The following PIP5K1C variants were observed in gnomAD, a reference collection of about 807,000 sequenced individuals.
PIP5K1C encodes phosphatidylinositol 4-phosphate 5-kinase type-1 gamma.
Under a neutral mutation model 80.1 loss-of-function variants are expected in PIP5K1C, and 45 were observed. The ratio of observed to expected loss-of-function variants is 0.56; its 90% confidence interval spans 0.44 to 0.72. The LOEUF (loss-of-function observed/expected upper bound fraction) is 0.72. Ranked by LOEUF, PIP5K1C falls within the 30% of genes least tolerant of loss-of-function variation. The pLI, the probability that PIP5K1C is intolerant of heterozygous loss-of-function variation, is 0.00. For synonymous variants in PIP5K1C, 498 were observed against 420.1 expected (o/e 1.19, Z -2.27); for missense variants, 753 against 954.6 (o/e 0.79, Z 2.78).
intron 5 of PIP5K1C, among the ~76,000 whole-genome samples, chr19:3,659,508 T>C (rs114714823): frequency 0.011 from 1,749 of 152,342 alleles, 28 homozygotes; most frequent in African/African-American, 0.04. Flanking sequence ...CGAGCCAGGC[T>C]GCTGCCTTCT....
chr19:3,655,455 A>G (rs1053296286), intron 6 of PIP5K1C, among the ~76,000 whole-genome samples: 1 of 152,248 alleles, frequency 6.6e-6, no homozygotes, highest in African/African-American at 2.4e-5. Context: ...GGAGAAATAG[A>G]AAATAGTCTT....
intron 3 of PIP5K1C, among the ~76,000 whole-genome samples, chr19:3,664,221 T>C (rs553328355): frequency 6.6e-6 from 1 of 152,192 alleles, no homozygotes; most frequent in Admixed American, 6.5e-5. Flanking sequence ...GGAGTCGGGA[T>C]GGGGGTGACT....
chr19:3,661,082 C>T lies in PIP5K1C; in HGVS notation c.352G>A (p.Glu118Lys). 1 of 1,611,916 alleles carries T rather than the reference C, an allele frequency of 6.2e-7. No homozygotes were observed. The highest frequency in any genetic ancestry group is 8.5e-7 in the Non-Finnish European group (1 of 1,178,200). The stretch of plus-strand genomic sequence containing the variant: ...TGGGCGGGGGTGAGGTTGCTGCCTT[C>T]GCTGTGGAGGAAGGACGGGAGGAAA... Reference protein sequence around the residue: ...YVVESIFFPSEGSNLTPAHHF... With the variant: ...YVVESIFFPSKGSNLTPAHHF... Residue 118 changes from glutamate to lysine, a missense_variant and splice_region_variant, in exon 5 of 18, where the codon GAA becomes AAA. Transcript: ENST00000335312.
intron 1 of PIP5K1C, among the ~76,000 whole-genome samples, chr19:3,675,189 C>T (rs183460000): frequency 3.3e-5 from 5 of 152,280 alleles, no homozygotes; most frequent in East Asian, 1.9e-4. Context: ...TCTGTGAATA[C>T]GCCGAGAAGA....
At chr19:3,693,467 A>G (rs1244177611) in intron 1 of PIP5K1C, among the ~76,000 whole-genome samples, 1 of 152,152 alleles carries the variant, frequency 6.6e-6, no homozygotes, top group African/African-American at 2.4e-5. Context: ...CCCCATGAGT[A>G]CTGGCACCAC....
intron 16 of PIP5K1C, chr19:3,636,348 C>T (rs909227076): frequency 1.0e-6 from 1 of 977,598 alleles, no homozygotes; most frequent in African/African-American, 1.8e-5. Flanking sequence ...GCACTCAGGC[C>T]TTGGGGTGCT....
At chr19:3,673,144 C>T (rs1026379647) in intron 1 of PIP5K1C, among the ~76,000 whole-genome samples, 1 of 152,086 alleles carries the variant, frequency 6.6e-6, no homozygotes, top group Non-Finnish European at 1.5e-5. Context: ...TCTGCTCCTC[C>T]CTCTGCTCCA....
In PIP5K1C at chr19:3,692,391, C is replaced by T. The variant is rs2035975973; in HGVS notation, c.94+7906G>A. Among the ~76,000 whole-genome samples, 1 of 152,198 alleles carries T rather than the reference C, an allele frequency of 6.6e-6. No homozygotes were observed. The highest frequency in any genetic ancestry group is 1.9e-4 in the East Asian group (1 of 5,192). On this transcript the variant is annotated intron_variant, in intron 1 of 17. Transcript: ENST00000335312. The surrounding 1 kb of genome is among the most constrained non-coding windows in gnomAD (Gnocchi z 5.2). Reference sequence around the variant, plus strand: ...CCCTCGCAGCTCGGCCATGCTGGGCCCCGGCGGCCCCCATGCTGCCCTTCC... The same window carrying T: ...CCCTCGCAGCTCGGCCATGCTGGGCTCCGGCGGCCCCCATGCTGCCCTTCC...
intron 17 of PIP5K1C, 88 bp from the exon 18 acceptor site, chr19:3,633,257 C>G: frequency 1.4e-6 from 1 of 706,322 alleles, no homozygotes; most frequent in Non-Finnish European, 2.6e-6. Context: ...TGGGCCAACA[C>G]AGGCCCTGAG....
intron 5 of PIP5K1C, among the ~76,000 whole-genome samples, chr19:3,659,133 C>T (rs565614246): frequency 6.6e-6 from 1 of 152,190 alleles, no homozygotes; most frequent in African/African-American, 2.4e-5. Context: ...CCGGCAACCT[C>T]GAGTCCCCTC....
In PIP5K1C at chr19:3,651,948, C is replaced by A. The variant is rs1489840259; in HGVS notation, c.1005G>T (p.Ala335=). Reference sequence around the variant, plus strand: ...CATCTGAGGTGCTCTGGGCGCCCTGCGCCTGCCGCTCGCGCTCGTGCTGGT... The same window carrying A: ...CATCTGAGGTGCTCTGGGCGCCCTGAGCCTGCCGCTCGCGCTCGTGCTGGT... ...NIDQHERERQ[A]QGAQSTSDEK... Residue 335 remains alanine, a synonymous_variant, in exon 8 of 18, where the codon GCG becomes GCT. Transcript: ENST00000335312. 6.2e-7 allele frequency: 1 copy of A among 1,612,922 alleles called. No individual in the cohort carries two copies. Among genetic ancestry groups the A allele is most frequent in the Non-Finnish European group, 8.5e-7 (1 of 1,179,950 alleles).
In PIP5K1C at chr19:3,648,718, G is replaced by C; in HGVS notation, c.1128-10C>G. 1 of 1,611,522 alleles carries C rather than the reference G, an allele frequency of 6.2e-7. No homozygotes were observed. On this transcript the variant is annotated splice_polypyrimidine_tract_variant and intron_variant, in intron 8 of 17. Coordinates refer to ENST00000335312, the MANE Select transcript of PIP5K1C (RefSeq NM_012398.3). This position sits in a 1 kb window ranked among gnomAD's most constrained non-coding sequence, Gnocchi z 4.3. ...GGGGATCCCGCCCATCCTGGGGAGAGAGGCCGAGGGTACCATCAGCATCCC... is the reference window on the plus strand; with the variant it reads ...GGGGATCCCGCCCATCCTGGGGAGACAGGCCGAGGGTACCATCAGCATCCC...
intron 1 of PIP5K1C, among the ~76,000 whole-genome samples, chr19:3,673,095 T>C (rs540742138): frequency 2.7e-4 from 33 of 123,238 alleles, no homozygotes; most frequent in Admixed American, 1.0e-3. Context: ...GACCAGGCCC[T>C]GTCACCCCAC....
Position 3,700,283 on chromosome 19 carries a change from G to A in PIP5K1C, c.94+14C>T. Reference sequence around the variant, plus strand: ...AGCCCAGCGGGCCGCAGCCCCGGGAGGCCGGGCCGTTACCTGCCGCCGCCC... The same window carrying A: ...AGCCCAGCGGGCCGCAGCCCCGGGAAGCCGGGCCGTTACCTGCCGCCGCCC... On this transcript the variant is annotated intron_variant, in intron 1 of 17. Transcript: ENST00000335312. 2 of 1,252,704 alleles carry A rather than the reference G, an allele frequency of 1.6e-6. No homozygotes were observed. Among genetic ancestry groups the A allele is most frequent in the Non-Finnish European group, 2.0e-6 (2 of 980,828 alleles). The allele number at this position is 1,252,704 out of a possible 1,614,324, so 77.6% of individuals were successfully genotyped here.
chr19:3,698,643 C>T (rs1302066101), intron 1 of PIP5K1C, among the ~76,000 whole-genome samples: 1 of 152,086 alleles, frequency 6.6e-6, no homozygotes, highest in African/African-American at 2.4e-5. Context: ...CTCAGCACCC[C>T]TAATTTCCTG....
chr19:3,689,115 C>G (rs1379581746), intron 1 of PIP5K1C, among the ~76,000 whole-genome samples: 1 of 152,164 alleles, frequency 6.6e-6, no homozygotes, highest in Non-Finnish European at 1.5e-5. Flanking sequence ...AACTCCTGGG[C>G]TCAGTAATCC....
At chr19:3,641,873 G>T in intron 14 of PIP5K1C, 64 bp from the exon 15 acceptor site, 2 of 1,346,614 alleles carry the variant, frequency 1.5e-6, no homozygotes, top group Non-Finnish European at 2.1e-6. Flanking sequence ...ACCCCCAGGA[G>T]TGCCCAGTGA....
intron 1 of PIP5K1C, among the ~76,000 whole-genome samples, chr19:3,684,998 G>A (rs962678603): frequency 6.6e-6 from 1 of 152,226 alleles, no homozygotes; most frequent in African/African-American, 2.4e-5. Flanking sequence ...GGTGCCGTCT[G>A]AAATACATAT....
intron 1 of PIP5K1C, among the ~76,000 whole-genome samples, chr19:3,690,302 G>GC (rs1396008034): frequency 1.3e-5 from 2 of 151,918 alleles, no homozygotes; most frequent in Non-Finnish European, 1.5e-5. Flanking sequence ...CTCGAGACCA[G>GC]CCCAGGCAAC....
Sources: allele counts gnomAD v4.1 joint callset (sites outside exome capture counted in the v4.1 genomes callset), GRCh38; gene constraint gnomAD v4.1.1; non-coding constraint Gnocchi (gnomAD v3.1); transcripts MANE v1.5; gene names NCBI Gene and HGNC (gene_info 2026-07-23, HGNC 2026-07-21).